Variants in FAM168A observed in about 807,000 individuals in gnomAD.
The protein encoded by FAM168A is protein FAM168A.
In FAM168A, 3 loss-of-function variants were observed where a neutral mutation model predicts 28.5. The observed-to-expected ratio is 0.11, with a 90% CI of 0.05 to 0.27. FAM168A has a LOEUF of 0.27. FAM168A is among the 10% of genes least tolerant of loss of function. The pLI, the probability that FAM168A is intolerant of heterozygous loss-of-function variation, is 1.00. For missense variants in FAM168A, 222 were observed against 311.5 expected (o/e 0.71, Z 2.16); for synonymous variants, 122 against 124.2 (o/e 0.98, Z 0.12).
chr11:73,481,041 C>A (rs1278084), intron 1 of FAM168A, among the ~76,000 whole-genome samples: 58,012 of 151,906 alleles, frequency 0.38, 12,656 homozygotes, highest in African/African-American at 0.6. Flanking sequence ...GTTTCTCTCA[C>A]TCATCTTTCC....
chr11:73,596,653 T>TG (rs1944441913), intron 1 of FAM168A, among the ~76,000 whole-genome samples: 1 of 152,250 alleles, frequency 6.6e-6, no homozygotes, highest in Non-Finnish European at 1.5e-5. Context: ...GCTGTTCATT[T>TG]AAGTATTCCA....
At chr11:73,495,773 A>G (rs1421657365) in intron 1 of FAM168A, among the ~76,000 whole-genome samples, 1 of 152,216 alleles carries the variant, frequency 6.6e-6, no homozygotes, top group Non-Finnish European at 1.5e-5. Context: ...AGAAAATAGC[A>G]AATGTTGATG....
At chr11:73,569,605 C>T (rs151286841) in intron 1 of FAM168A, among the ~76,000 whole-genome samples, 1,529 of 152,156 alleles carry the variant, frequency 0.01, 29 homozygotes, top group African/African-American at 0.036. Context: ...GGGCAGATCA[C>T]GAGGTCAGGA....
At chr11:73,438,037 T>G (rs1867122676) in intron 2 of FAM168A, among the ~76,000 whole-genome samples, 1 of 152,130 alleles carries the variant, frequency 6.6e-6, no homozygotes, top group Non-Finnish European at 1.5e-5. Context: ...ATAATTAAGC[T>G]GACATAACAA....
intron 4 of FAM168A, among the ~76,000 whole-genome samples, chr11:73,415,696 C>T (rs1200833848): frequency 1.3e-5 from 2 of 152,128 alleles, no homozygotes; most frequent in African/African-American, 2.4e-5. Context: ...TTGGGTGACA[C>T]AAAAATCAGG....
chr11:73,581,811 C>T (rs1333886922), intron 1 of FAM168A, among the ~76,000 whole-genome samples: 2 of 152,078 alleles, frequency 1.3e-5, no homozygotes, highest in African/African-American at 4.8e-5. Flanking sequence ...CTCTGCCTCC[C>T]GGGTTCAAGC....
intron 2 of FAM168A, among the ~76,000 whole-genome samples, chr11:73,440,178 G>A (rs957190786): frequency 3.3e-5 from 5 of 152,020 alleles, no homozygotes; most frequent in East Asian, 1.9e-4. Flanking sequence ...GAGCCACTGC[G>A]CCTGGCCCAC....
At chr11:73,587,746 C>T (rs1944332510) in intron 1 of FAM168A, among the ~76,000 whole-genome samples, 1 of 152,032 alleles carries the variant, frequency 6.6e-6, no homozygotes, top group Non-Finnish European at 1.5e-5. Context: ...ATGGAATGTA[C>T]ATTTAAAGCA....
chr11:73,526,801 TC>T (rs1446415861), intron 1 of FAM168A, among the ~76,000 whole-genome samples: 1 of 146,754 alleles, frequency 6.8e-6, no homozygotes, highest in Non-Finnish European at 1.5e-5. Context: ...TCCTCTAATC[TC>T]TGTGTTTTGG....
At chr11:73,435,351 T>G (rs542360305) in intron 2 of FAM168A, among the ~76,000 whole-genome samples, 1 of 152,374 alleles carries the variant, frequency 6.6e-6, no homozygotes, top group South Asian at 2.1e-4. Flanking sequence ...TGTGAGAAAT[T>G]GTGCAGCCAC....
intron 1 of FAM168A, among the ~76,000 whole-genome samples, chr11:73,558,499 AGACAACCCACTG>A (rs1943916173): frequency 6.6e-6 from 1 of 151,058 alleles, no homozygotes. Flanking sequence ...AAAAGTGGAA[AGACAACCCACTG>A]AATAAGAAAA....
chr11:73,572,191 C>T (rs1304381386), intron 1 of FAM168A, among the ~76,000 whole-genome samples: 1 of 151,496 alleles, frequency 6.6e-6, no homozygotes, highest in Non-Finnish European at 1.5e-5. Flanking sequence ...CCAGCCGCCC[C>T]GTCCGGGAGG....
chr11:73,434,009 C>A (rs543287992), intron 2 of FAM168A, among the ~76,000 whole-genome samples: 2 of 152,188 alleles, frequency 1.3e-5, no homozygotes, highest in African/African-American at 4.8e-5. Flanking sequence ...CCACACCCAG[C>A]TAATTTTTGT....
chr11:73,507,502 G>A (rs372331604), intron 1 of FAM168A, among the ~76,000 whole-genome samples: 3 of 152,146 alleles, frequency 2.0e-5, no homozygotes, highest in African/African-American at 7.2e-5. Context: ...GGAGGGAGGG[G>A]ACCCAAAAAA....
At chr11:73,438,731 A>G (rs144994760) in intron 2 of FAM168A, among the ~76,000 whole-genome samples, 92 of 152,294 alleles carry the variant, frequency 6.0e-4, no homozygotes, top group African/African-American at 2.1e-3. Flanking sequence ...AAGATCAGAG[A>G]AGGAGGAACA....
At chr11:73,591,934 A>C (rs1944387219) in intron 1 of FAM168A, among the ~76,000 whole-genome samples, 1 of 152,250 alleles carries the variant, frequency 6.6e-6, no homozygotes. Context: ...GCTGTTATCT[A>C]CTGATAGAGA....
intron 1 of FAM168A, among the ~76,000 whole-genome samples, chr11:73,480,448 T>C (rs1867952474): frequency 6.6e-6 from 1 of 152,038 alleles, no homozygotes; most frequent in Non-Finnish European, 1.5e-5. Context: ...AGAACCCAAC[T>C]ATTCATTAAA....
chr11:73,452,333 A>T (rs1183805723), intron 2 of FAM168A: 1 of 152,466 alleles, frequency 6.6e-6, no homozygotes, highest in Non-Finnish European at 1.5e-5. Flanking sequence ...TTATCCTGTC[A>T]ACCCAAGTTA....
chr11:73,471,680 T>C (rs1330759923), intron 1 of FAM168A, among the ~76,000 whole-genome samples: 1 of 152,206 alleles, frequency 6.6e-6, no homozygotes, highest in Non-Finnish European at 1.5e-5. Context: ...TTGCCCAGTT[T>C]GAGGACCATG....
Sources: gnomAD v4.1 joint callset for allele counts (sites outside exome capture counted in the v4.1 genomes callset) on GRCh38, gnomAD v4.1.1 for gene constraint, MANE v1.5 for transcripts, NCBI Gene and HGNC (gene_info 2026-07-23, HGNC 2026-07-21) for gene names.